ENAH: variants seen among roughly 807,000 people sequenced by gnomAD.
The protein encoded by ENAH is ENAH actin regulator, also known as protein enabled homolog.
ENAH carries 23 observed loss-of-function variants against 78.7 expected under a neutral mutation model. The observed-to-expected ratio is 0.29, with a 90% CI of 0.21 to 0.41. ENAH has a LOEUF of 0.41. Ranked by LOEUF, ENAH falls within the 10% of genes least tolerant of loss-of-function variation. The probability of loss-of-function intolerance (pLI) is 1.00; values close to 1 mark genes in which losing one functional copy is unlikely to be tolerated. For missense variants in ENAH, 544 were observed against 691.0 expected (o/e 0.79, Z 2.39); for synonymous variants, 226 against 241.0 (o/e 0.94, Z 0.58).
intron 1 of ENAH, among the ~76,000 whole-genome samples, chr1:225,647,157 C>T (rs981077189): frequency 6.6e-6 from 1 of 152,012 alleles, no homozygotes; most frequent in Non-Finnish European, 1.5e-5. Context: ...ACCCAGGAGG[C>T]GGAAGCTGCA....
chr1:225,498,674 G>A (rs2096263390), intron 12 of ENAH, among the ~76,000 whole-genome samples: 1 of 152,206 alleles, frequency 6.6e-6, no homozygotes, highest in African/African-American at 2.4e-5. Flanking sequence ...TGAAACGTAT[G>A]AGTCAGATAG....
chr1:225,621,975 A>G (rs993367628), intron 1 of ENAH, among the ~76,000 whole-genome samples: 1 of 152,150 alleles, frequency 6.6e-6, no homozygotes, highest in Non-Finnish European at 1.5e-5. Flanking sequence ...CTTCAAAAGA[A>G]GCTGAAAATG....
At chr1:225,591,492 T>C (rs945185483) in intron 1 of ENAH, among the ~76,000 whole-genome samples, 1 of 123,298 alleles carries the variant, frequency 8.1e-6, no homozygotes, top group Admixed American at 9.0e-5. Context: ...AACAGTCGGG[T>C]GTGGTGGCTC....
In ENAH at chr1:225,519,527, C is replaced by T. The variant is rs747828346; in HGVS notation, c.473G>A (p.Arg158Gln). The change falls in exon 5 of 14, where the codon CGG becomes CAG. Residue 158 changes from arginine (R) to glutamine (Q), a missense_variant. Arg to Gln is a conservative substitution (Grantham distance 43). This residue lies in a region of ENAH where 366 missense variants were observed against 396.1 expected (regional missense o/e 0.92). Transcript: ENST00000366843. ...CATTCTTTCTCGCTCCAGCCTTTCC[C>T]GCTCCAGCTCCTTTTGCCGTTGCTG... ...QEQQRQKELE[R>Q]ERLERERMER... 5 of 1,612,398 alleles carry T rather than the reference C, an allele frequency of 3.1e-6. No individual in the cohort carries two copies. The highest frequency in any genetic ancestry group is 2.5e-6 in the Non-Finnish European group (3 of 1,179,716).
At chr1:225,605,374 T>G (rs1468608488) in intron 1 of ENAH, among the ~76,000 whole-genome samples, 8 of 152,184 alleles carry the variant, frequency 5.3e-5, no homozygotes, top group African/African-American at 1.9e-4. Flanking sequence ...ACATCGTCCT[T>G]AATTTCTTAC....
chr1:225,526,338 CTTT>C (rs34197889), intron 4 of ENAH, among the ~76,000 whole-genome samples: 301 of 143,812 alleles, frequency 2.1e-3, no homozygotes, highest in African/African-American at 7.4e-3. Context: ...CTCTCTCTCT[CTTT>C]TTTTTTTTTT....
chr1:225,581,249 A>G (rs1269643933), intron 1 of ENAH: 4 of 980,704 alleles, frequency 4.1e-6, no homozygotes, highest in Middle Eastern at 5.2e-4. Context: ...AGATTATTTC[A>G]CCTGTTTCCT....
chr1:225,571,881 T>TA (rs1469806050), intron 1 of ENAH, among the ~76,000 whole-genome samples: 2 of 152,148 alleles, frequency 1.3e-5, no homozygotes, highest in African/African-American at 4.8e-5. Context: ...CCTCACACCT[T>TA]ACCCTATGCC....
At chr1:225,518,124 G>C in intron 5 of ENAH, 1 of 690,464 alleles carries the variant, frequency 1.4e-6, no homozygotes, top group East Asian at 2.8e-5. Flanking sequence ...CAGAGAATTA[G>C]GCACAAACGC....
intron 1 of ENAH, among the ~76,000 whole-genome samples, chr1:225,610,614 CACA>C (rs2096983146): frequency 6.6e-6 from 1 of 151,990 alleles, no homozygotes. Flanking sequence ...ATGAAGGGGT[CACA>C]ATCCAAACTT....
chr1:225,504,301 G>A (rs1237368246), intron 11 of ENAH, among the ~76,000 whole-genome samples: 1 of 152,104 alleles, frequency 6.6e-6, no homozygotes, highest in Non-Finnish European at 1.5e-5. Context: ...GAACCACCAG[G>A]TGCTGGGTCA....
chr1:225,600,726 T>C (rs2096926498), intron 1 of ENAH, among the ~76,000 whole-genome samples: 1 of 151,974 alleles, frequency 6.6e-6, no homozygotes. Context: ...AGGCATGTGG[T>C]GTGCGCCCGG....
At chr1:225,648,340 T>C (rs1662352076) in intron 1 of ENAH, among the ~76,000 whole-genome samples, 1 of 152,248 alleles carries the variant, frequency 6.6e-6, no homozygotes, top group Non-Finnish European at 1.5e-5. Context: ...CTAGATATTT[T>C]ACAAGTTATA....
chr1:225,642,771 CAT>C (rs1450416231), intron 1 of ENAH, among the ~76,000 whole-genome samples: 2 of 152,198 alleles, frequency 1.3e-5, no homozygotes, highest in Non-Finnish European at 2.9e-5. Flanking sequence ...AAAAACTACA[CAT>C]CTCATTGGGA....
intron 1 of ENAH, among the ~76,000 whole-genome samples, chr1:225,585,215 CAAAAAAAAAAAAAAAAAAA>C (rs58586397): frequency 8.0e-5 from 4 of 49,918 alleles, no homozygotes; most frequent in Non-Finnish European, 1.0e-4. Flanking sequence ...TACCCTGTCT[CAAAAAAAAAAAAAAAAAAA>C]AAAAAAAAAA....
chr1:225,560,452 G>C (rs11588911), intron 2 of ENAH, among the ~76,000 whole-genome samples: 480 of 151,106 alleles, frequency 3.2e-3, no homozygotes, highest in Middle Eastern at 0.014. Flanking sequence ...GATCATGCCA[G>C]TGCACTGCAG....
At chr1:225,591,530 T>G (rs543040153) in intron 1 of ENAH, among the ~76,000 whole-genome samples, 2 of 143,992 alleles carry the variant, frequency 1.4e-5, no homozygotes, top group Non-Finnish European at 3.0e-5. Context: ...ACTTTGGGAG[T>G]CCAAGGTGGG....
intron 1 of ENAH, among the ~76,000 whole-genome samples, chr1:225,631,879 A>T (rs1659147531): frequency 6.6e-6 from 1 of 152,110 alleles, no homozygotes; most frequent in African/African-American, 2.4e-5. Context: ...ACATCATTTG[A>T]TCCCTTCAGT....
intron 1 of ENAH, among the ~76,000 whole-genome samples, chr1:225,619,281 G>A (rs1291682227): frequency 1.3e-5 from 2 of 152,142 alleles, no homozygotes; most frequent in South Asian, 2.1e-4. Flanking sequence ...GGTGGGTCAC[G>A]CCTGTAATCC....
Sources: allele counts gnomAD v4.1 joint callset (sites outside exome capture counted in the v4.1 genomes callset), GRCh38; gene constraint gnomAD v4.1.1; regional missense constraint gnomAD v4.1.1; transcripts MANE v1.5; gene names NCBI Gene and HGNC (gene_info 2026-07-23, HGNC 2026-07-21).